PITPNM1: variants seen among roughly 807,000 people sequenced by gnomAD.
PITPNM1 encodes phosphatidylinositol transfer protein membrane associated 1, also known as membrane-associated phosphatidylinositol transfer protein 1.
A neutral mutation model predicts 133.3 loss-of-function variants in PITPNM1; 74 were observed. The ratio of observed to expected loss-of-function variants is 0.56; its 90% CI spans 0.46 to 0.67. The LOEUF is 0.67. PITPNM1 is among the 30% of genes least tolerant of loss of function. The pLI, the probability that PITPNM1 is intolerant of heterozygous loss-of-function variation, is 0.00. For missense variants in PITPNM1, 1,398 were observed against 1,739.5 expected, an observed-to-expected ratio of 0.80 and a Z score of 3.49; for synonymous variants, 738 against 741.4, an observed-to-expected ratio of 1.00 and a Z score of 0.08.
In PITPNM1 at chr11:67,502,474, C is replaced by T. The variant is rs1866361880; in HGVS notation, c.293+30G>A. 6.2e-7 allele frequency: 1 copy of T among 1,613,632 alleles called. No individual in the cohort carries two copies. On this transcript the variant is annotated intron_variant, in intron 3 of 23. Transcript: ENST00000356404. The surrounding 1 kb of genome is among the most constrained non-coding windows in gnomAD (Gnocchi z 5.9). ...CCCACCAGGGCCGCTCCCCTCCTGG[C>T]CTCGGACCATGCCCAGCTCACCCAC...
chr11:67,498,481 C>T lies in PITPNM1; in HGVS notation c.1484+115G>A, dbSNP rs1447314620. On this transcript the variant is annotated intron_variant, in intron 10 of 23. Transcript: ENST00000356404. This position sits in a 1 kb window ranked among gnomAD's most constrained non-coding sequence, Gnocchi z 5.7. ...AATGGAGCCATTCTCCAGAACAGGTCCAGCCATGCCAGTGACCGACCCAGG... is the reference window on the plus strand; with the variant it reads ...AATGGAGCCATTCTCCAGAACAGGTTCAGCCATGCCAGTGACCGACCCAGG... 2.6e-5 allele frequency: 38 copies of T among 1,481,924 alleles called. 1 individual carries two copies. The highest frequency in any genetic ancestry group is 3.4e-5 in the Non-Finnish European group (37 of 1,099,872). 91.8% of individuals were successfully genotyped at this position (1,481,924 alleles called of 1,614,324 possible).
In PITPNM1 at chr11:67,494,921, G is replaced by A. The variant is rs1304063556; in HGVS notation, c.2667C>T (p.Cys889=). ...IEKERPQLAE[C]EEPSIYSPAF... is the part of the protein sequence containing the mutation. The stretch of plus-strand genomic sequence containing the variant: ...CCGGGCTGTAGATGGACGGCTCCTC[G>A]CATTCCGCCAGCTGTGGCCGCTCCT... Residue 889 remains cysteine, a synonymous_variant, in exon 18 of 24, where the codon TGC becomes TGT. Coordinates refer to ENST00000356404, the MANE Select transcript of PITPNM1 (RefSeq NM_004910.3). 1.2e-6 allele frequency: 2 copies of A among 1,612,728 alleles called. No homozygotes were observed. Among genetic ancestry groups the A allele is most frequent in the African/African-American group, 1.3e-5 (1 of 74,868 alleles).
At chr11:67,494,186 G>A in intron 19 of PITPNM1, 58 bp downstream of exon 19, 1 of 1,585,478 alleles carries the variant, frequency 6.3e-7, no homozygotes, top group Non-Finnish European at 8.7e-7. Context: ...ACCAGGAGCT[G>A]TTCCGAGGAC....
chr11:67,502,133 C>T lies in PITPNM1; in HGVS notation c.416-47G>A. The T allele has an allele frequency of 6.3e-7, 1 of 1,580,066 alleles. No homozygotes were observed. Among genetic ancestry groups the T allele is most frequent in the South Asian group, 1.1e-5 (1 of 88,530 alleles). Reference sequence around the variant, plus strand: ...TGAGCAGCGCCAGCCCCTTTGAGCCCCCGCTCCTGGCACCCTCTTGGGACT... The same window carrying T: ...TGAGCAGCGCCAGCCCCTTTGAGCCTCCGCTCCTGGCACCCTCTTGGGACT... On this transcript the variant is annotated intron_variant, in intron 4 of 23. Coordinates refer to ENST00000356404, the MANE Select transcript of PITPNM1 (RefSeq NM_004910.3). This position sits in a 1 kb window ranked among gnomAD's most constrained non-coding sequence, Gnocchi z 5.9.
At chr11:67,496,650 A>C in intron 14 of PITPNM1, 13 of 355,932 alleles carry the variant, frequency 3.7e-5, no homozygotes, top group East Asian at 1.1e-4. Context: ...AAATACAAAA[A>C]TTAGCTGGGT....
Position 67,491,981 on chromosome 11 carries a change from C to T in PITPNM1, c.*52G>A, listed in dbSNP as rs376038181. 63 of 1,577,832 alleles carry T rather than the reference C, an allele frequency of 4.0e-5. No individual in the cohort carries two copies. The South Asian group carries it at 4.0e-4, about 10-fold the overall frequency. On this transcript the variant is annotated 3_prime_UTR_variant, in exon 24 of 24. Coordinates refer to ENST00000356404, the MANE Select transcript of PITPNM1 (RefSeq NM_004910.3). ...CCCCAGCCTCCCACACGCAGCCCCT[C>T]GGGCCCCTTGGGTGTGTCAATAAAT...
Position 67,492,260 on chromosome 11 carries a change from G to T in PITPNM1, c.3508C>A (p.Leu1170Met). Residue 1170 changes from leucine (L) to methionine (M), a missense_variant, in exon 24 of 24, where the codon CTG (leucine) becomes ATG (methionine). Coordinates refer to ENST00000356404, the MANE Select transcript of PITPNM1 (RefSeq NM_004910.3). Reference sequence around the variant, plus strand: ...GCATGCGAGTGCGAGCCCGCTTCCAGCTGGCCCAGGTGGGCCACATAGCCG... The same window carrying T: ...GCATGCGAGTGCGAGCCCGCTTCCATCTGGCCCAGGTGGGCCACATAGCCG... ...SDGYVAHLGQ[L>M]EAGSHSHASS... The T allele has an allele frequency of 6.3e-7, 1 of 1,593,632 alleles. No homozygotes were observed.
In PITPNM1 at chr11:67,495,229, C is replaced by A. The variant is rs1295120518; in HGVS notation, c.2483-4G>T. The A allele has an allele frequency of 6.3e-7, 1 of 1,580,294 alleles. No homozygotes were observed. ...GTCCCCCACCAGCGCTCCAGGACTGCGCGGCCATGGCAGCGAGTCAGGATG... is the reference window on the plus strand; with the variant it reads ...GTCCCCCACCAGCGCTCCAGGACTGAGCGGCCATGGCAGCGAGTCAGGATG... On this transcript the variant is annotated splice_region_variant and splice_polypyrimidine_tract_variant and intron_variant, in intron 16 of 23. Coordinates refer to ENST00000356404, the MANE Select transcript of PITPNM1 (RefSeq NM_004910.3).
chr11:67,499,983 C>G lies in PITPNM1; in HGVS notation c.994G>C (p.Glu332Gln). 6.2e-7 allele frequency: 1 copy of G among 1,612,600 alleles called. No individual in the cohort carries two copies. Among genetic ancestry groups the G allele is most frequent in the Non-Finnish European group, 8.5e-7 (1 of 1,179,864 alleles). ...CGGGCAATGTTCTGCATGCGCCACTCAGACAAGCTCTGGGGAGACACAGCC... is the reference window on the plus strand; with the variant it reads ...CGGGCAATGTTCTGCATGCGCCACTGAGACAAGCTCTGGGGAGACACAGCC... ...GGAVSPQSLS[E>Q]WRMQNIARDS... Residue 332 changes from glutamate to glutamine, a missense_variant, in exon 7 of 24, where the codon GAG (glutamate) becomes CAG (glutamine). By Grantham distance (29) the Glu-to-Gln change is conservative. Around this residue, in one of 5 missense-constraint regions of PITPNM1, gnomAD observed 195 missense variants for 178.8 expected, o/e 1.09. Coordinates refer to ENST00000356404, the MANE Select transcript of PITPNM1 (RefSeq NM_004910.3).
chr11:67,497,346 A>G lies in PITPNM1; in HGVS notation c.2031T>C (p.Pro677=). The change falls in exon 14 of 24, where the codon CCT becomes CCC. Residue 677 remains proline (P), a synonymous_variant. Transcript: ENST00000356404. ...GGCGGGCAGTGCTGCTGGGGCCGTC[A>G]GGTGCCTCGGAACTGGCAGCGGGTG... is the stretch of plus-strand genomic sequence containing the variant. ...FCPPAASSEA[P]DGPSSTARLD... 1 of 1,608,674 alleles carries G rather than the reference A, an allele frequency of 6.2e-7. No individual in the cohort carries two copies. Among genetic ancestry groups the G allele is most frequent in the Non-Finnish European group, 8.5e-7 (1 of 1,176,990 alleles).
At chr11:67,496,400 A>C in intron 14 of PITPNM1, 52 bp from the exon 15 acceptor site, 1 of 1,511,284 alleles carries the variant, frequency 6.6e-7, no homozygotes. Context: ...TCAGCTGGGC[A>C]CTCTGGGAGG....
At position 67,494,975 on chromosome 11, in the gene PITPNM1, G is replaced by C. The variant is rs561647590; in HGVS notation, c.2632-19C>G. Reference sequence around the variant, plus strand: ...CGATCACCTGCACGGGACAGGGGGCGAGGCCTCTGTCTCTTAGGGGAGGGA... The same window carrying C: ...CGATCACCTGCACGGGACAGGGGGCCAGGCCTCTGTCTCTTAGGGGAGGGA... On this transcript the variant is annotated intron_variant, in intron 17 of 23. Transcript: ENST00000356404. 6.2e-7 allele frequency: 1 copy of C among 1,607,740 alleles called. No individual in the cohort carries two copies. The highest frequency in any genetic ancestry group is 1.3e-5 in the African/African-American group (1 of 74,784).
chr11:67,494,978 G>A lies in PITPNM1; in HGVS notation c.2632-22C>T, dbSNP rs761459055. 5 of 1,606,474 alleles carry A rather than the reference G, an allele frequency of 3.1e-6. No individual in the cohort carries two copies. In the Admixed American group the frequency reaches 8.3e-5, roughly 27 times the overall value. Reference sequence around the variant, plus strand: ...TCACCTGCACGGGACAGGGGGCGAGGCCTCTGTCTCTTAGGGGAGGGAGGG... The same window carrying A: ...TCACCTGCACGGGACAGGGGGCGAGACCTCTGTCTCTTAGGGGAGGGAGGG... On this transcript the variant is annotated intron_variant, in intron 17 of 23. Coordinates refer to ENST00000356404, the MANE Select transcript of PITPNM1 (RefSeq NM_004910.3).
Position 67,502,069 on chromosome 11 carries a change from G to T in PITPNM1, c.433C>A (p.Arg145=). The T allele has an allele frequency of 6.2e-7, 1 of 1,612,366 alleles. No individual in the cohort carries two copies. Among genetic ancestry groups the T allele is most frequent in the Non-Finnish European group, 8.5e-7 (1 of 1,179,422 alleles). Residue 145 remains arginine (R), a synonymous_variant, in exon 5 of 24, where the codon CGG becomes AGG. Coordinates refer to ENST00000356404, the MANE Select transcript of PITPNM1 (RefSeq NM_004910.3). The surrounding 1 kb of genome is among the most constrained non-coding windows in gnomAD (Gnocchi z 5.9). The part of the protein sequence containing the change: ...QRILDTIDIV[R]DAVAPGEYKA... ...TACTCGCCTGGGGCCACTGCATCCC[G>T]CACGATGTCGATGGTGTCTGAGGGA... is the stretch of plus-strand genomic sequence containing the variant.
intron 16 of PITPNM1, 47 bp downstream of exon 16, chr11:67,495,391 G>A (rs368279952): frequency 1.1e-4 from 159 of 1,460,812 alleles, no homozygotes; most frequent in African/African-American, 2.1e-4. Flanking sequence ...GGTGGAATAC[G>A]GGCCTCCCCC....
Position 67,492,007 on chromosome 11 carries a change from A to G in PITPNM1, c.*26T>C. 3 of 1,603,792 alleles carry G rather than the reference A, an allele frequency of 1.9e-6. No homozygotes were observed. Among genetic ancestry groups the G allele is most frequent in the East Asian group, 2.2e-5 (1 of 44,660 alleles). On this transcript the variant is annotated 3_prime_UTR_variant, in exon 24 of 24. Coordinates refer to ENST00000356404, the MANE Select transcript of PITPNM1 (RefSeq NM_004910.3). ...GGGCCCCTTGGGTGTGTCAATAAATAACCCAGGTCCAGGCTGGTGTGGGCC... is the reference window on the plus strand; with the variant it reads ...GGGCCCCTTGGGTGTGTCAATAAATGACCCAGGTCCAGGCTGGTGTGGGCC...
Position 67,502,546 on chromosome 11 carries a change from A to G in PITPNM1, c.251T>C (p.Val84Ala). Residue 84 changes from valine (V) to alanine (A), a missense_variant, in exon 3 of 24, where the codon GTA becomes GCA. Transcript: ENST00000356404. The surrounding 1 kb of genome is among the most constrained non-coding windows in gnomAD (Gnocchi z 5.9). ...GTAGGCATTCCAGGATTCCTCTTCT[A>G]CCTGCAGGGCAGCCTTGGGCAGCAG... ...RALLPKAALQ[V>A]EEESWNAYPY... 6.2e-7 allele frequency: 1 copy of G among 1,613,616 alleles called. No individual in the cohort carries two copies. The highest frequency in any genetic ancestry group is 8.5e-7 in the Non-Finnish European group (1 of 1,179,984).
Position 67,493,964 on chromosome 11 carries a change from C to T in PITPNM1, c.2966G>A (p.Arg989His). Residue 989 changes from arginine to histidine, a missense_variant, in exon 20 of 24, where the codon CGC becomes CAC. Physicochemically the swap from Arg to His is conservative, Grantham distance 29. Transcript: ENST00000356404. ...GGGGTAGACACCAATGCCCAGCGCG[C>T]GTTCTGGGGGAACTGGGAAGGTGAG... ...GRLTFPVPPE[R>H]ALGIGVYPVR... The T allele has an allele frequency of 1.2e-6, 2 of 1,609,858 alleles. No homozygotes were observed. The highest frequency in any genetic ancestry group is 1.7e-6 in the Non-Finnish European group (2 of 1,178,418).
At position 67,498,585 on chromosome 11, in the gene PITPNM1, G is replaced by A. The variant is rs1437413181; in HGVS notation, c.1484+11C>T. On this transcript the variant is annotated intron_variant, in intron 10 of 23. Transcript: ENST00000356404. The surrounding 1 kb of genome is among the most constrained non-coding windows in gnomAD (Gnocchi z 5.7). ...CTACGAGTTCCCTGCCCTTCCACCCGTGGCTAGTACTTGGAGACAAGGGCA... is the reference window on the plus strand; with the variant it reads ...CTACGAGTTCCCTGCCCTTCCACCCATGGCTAGTACTTGGAGACAAGGGCA... 5 of 1,591,856 alleles carry A rather than the reference G, an allele frequency of 3.1e-6. No individual in the cohort carries two copies. The highest frequency in any genetic ancestry group is 1.7e-5 in the Admixed American group (1 of 59,890).
Sources: allele counts gnomAD v4.1 joint callset, GRCh38; gene constraint gnomAD v4.1.1; regional missense constraint gnomAD v4.1.1; non-coding constraint Gnocchi (gnomAD v3.1); transcripts MANE v1.5; gene names NCBI Gene and HGNC (gene_info 2026-07-23, HGNC 2026-07-21).